Variants in PARP8 observed in about 807,000 individuals in gnomAD.
PARP8 encodes the protein poly(ADP-ribose) polymerase family member 8.
Under a neutral mutation model 124.1 loss-of-function variants are expected in PARP8, and 51 were observed. That is an observed-to-expected ratio of 0.41 (90% CI 0.33 to 0.52). The LOEUF (loss-of-function observed/expected upper bound fraction) is 0.52, where lower values mean the gene tolerates loss of function less well. Among genes scored for constraint, PARP8 ranks in the 20% least tolerant of loss-of-function variants. PARP8 has a pLI of 0.21. For missense variants in PARP8, 860 were observed against 1,018.9 expected (o/e 0.84, Z 2.12); for synonymous variants, 391 against 361.5 (o/e 1.08, Z -0.93).
rs1447855710 is a variant in PARP8 at position 50,841,270 on chromosome 5, C to G, written c.2463-696C>G. 2.0e-5 allele frequency among the ~76,000 whole-genome samples: 3 copies of G among 151,644 alleles called. No homozygotes were observed. In the South Asian group the frequency reaches 6.2e-4, roughly 32 times the overall value. On this transcript the variant is annotated intron_variant, in intron 25 of 25. Transcript: ENST00000281631. ...TTCATTCTTAAGAAATTCTTATTGC[C>G]CAAGTAACTGTATTTGAGAAAAATG...
chr5:50,829,562 A>T (rs535019594), intron 21 of PARP8, among the ~76,000 whole-genome samples: 1 of 152,298 alleles, frequency 6.6e-6, no homozygotes, highest in African/African-American at 2.4e-5. Flanking sequence ...TATAAATCCT[A>T]ATCAGAATGC....
intron 14 of PARP8, among the ~76,000 whole-genome samples, chr5:50,800,777 A>C (rs1402126406): frequency 6.7e-6 from 1 of 149,688 alleles, no homozygotes; most frequent in Non-Finnish European, 1.5e-5. Flanking sequence ...TTTTTTTGAA[A>C]CAGGGGTCTT....
At chr5:50,762,771 G>A (rs1419204449) in intron 6 of PARP8, among the ~76,000 whole-genome samples, 2 of 152,116 alleles carry the variant, frequency 1.3e-5, no homozygotes, top group Admixed American at 6.6e-5. Context: ...TCCTTTACCA[G>A]TATAACATTT....
intron 9 of PARP8, among the ~76,000 whole-genome samples, chr5:50,787,320 A>G (rs1462557829): frequency 4.6e-5 from 7 of 151,730 alleles, no homozygotes; most frequent in Non-Finnish European, 7.4e-5. Context: ...CCCTGCTCTC[A>G]TCTCCTGACA....
rs1319090062 is a variant in PARP8 at position 50,844,604 on chromosome 5, T to C, written c.*2536T>C. The C allele has an allele frequency of 4.0e-5, 6 of 151,764 alleles. No individual in the cohort carries two copies. Among genetic ancestry groups the C allele is most frequent in the Non-Finnish European group, 5.9e-5 (4 of 67,778 alleles). 9.4% of individuals were successfully genotyped at this position (151,764 alleles called of 1,614,324 possible). On this transcript the variant is annotated 3_prime_UTR_variant, in exon 26 of 26. Coordinates refer to ENST00000281631, the MANE Select transcript of PARP8 (RefSeq NM_024615.4). ...ATATTGTATTGTGTTTTTATAATTA[T>C]TTGAAATCTGTTCACCAATGCTTTG...
chr5:50,809,903 ATTTCTATTACCAGTAGAGGGTAAT>A (rs1441262215), intron 14 of PARP8, among the ~76,000 whole-genome samples: 4 of 152,078 alleles, frequency 2.6e-5, no homozygotes, highest in Non-Finnish European at 5.9e-5. Flanking sequence ...GAGTTGTATT[ATTTCTATTACCAGTAGAGGGTAAT>A]TTAAATTCAT....
intron 2 of PARP8, among the ~76,000 whole-genome samples, chr5:50,673,544 G>T (rs1284643467): frequency 6.6e-6 from 1 of 152,130 alleles, no homozygotes; most frequent in African/African-American, 2.4e-5. Context: ...AGGCTTGGGT[G>T]ATTTAAGTAA....
In PARP8 at chr5:50,836,723, G is replaced by A. The variant is rs76347028; in HGVS notation, c.2462+1708G>A. Among the ~76,000 whole-genome samples, 840 of 152,202 alleles carry A rather than the reference G, an allele frequency of 5.5e-3. 6 individuals are homozygous for A. The highest frequency in any genetic ancestry group is 0.019 in the African/African-American group (787 of 41,538). On this transcript the variant is annotated intron_variant, in intron 25 of 25. Transcript: ENST00000281631. ...ATGAGGATTAATTTAGCACAATGCAGGTCTTGGCCACTGAAAAGCTTATTA... is the reference window on the plus strand; with the variant it reads ...ATGAGGATTAATTTAGCACAATGCAAGTCTTGGCCACTGAAAAGCTTATTA...
intron 2 of PARP8, among the ~76,000 whole-genome samples, chr5:50,727,905 T>C (rs1756592644): frequency 6.6e-6 from 1 of 152,180 alleles, no homozygotes; most frequent in South Asian, 2.1e-4. Flanking sequence ...ATTTGGGTGA[T>C]ACTTTAATTG....
chr5:50,810,911 G>T (rs1447160068), intron 14 of PARP8, among the ~76,000 whole-genome samples: 3 of 152,010 alleles, frequency 2.0e-5, no homozygotes, highest in East Asian at 1.9e-4. Context: ...GTTTGTAGTT[G>T]CTGTGTTAAA....
At chr5:50,745,937 A>C (rs1758493368) in intron 2 of PARP8, among the ~76,000 whole-genome samples, 1 of 152,084 alleles carries the variant, frequency 6.6e-6, no homozygotes, top group Non-Finnish European at 1.5e-5. Flanking sequence ...TTTATCTTCT[A>C]ATGTTTGGCA....
chr5:50,779,611 A>G (rs1450269840), intron 9 of PARP8, among the ~76,000 whole-genome samples: 2 of 152,306 alleles, frequency 1.3e-5, no homozygotes, highest in East Asian at 1.9e-4. Context: ...CTACTGGGAA[A>G]AGACATAGTG....
At chr5:50,700,980 C>T (rs1242445915) in intron 2 of PARP8, among the ~76,000 whole-genome samples, 1 of 152,082 alleles carries the variant, frequency 6.6e-6, no homozygotes, top group African/African-American at 2.4e-5. Context: ...TTGGAGTTTT[C>T]TGAATTTCTT....
At chr5:50,699,614 A>G (rs1222749333) in intron 2 of PARP8, among the ~76,000 whole-genome samples, 1 of 152,112 alleles carries the variant, frequency 6.6e-6, no homozygotes, top group Non-Finnish European at 1.5e-5. Context: ...GGTCACCCAA[A>G]TTATTTACAG....
At chr5:50,693,482 G>A (rs1752703501) in intron 2 of PARP8, among the ~76,000 whole-genome samples, 5 of 152,034 alleles carry the variant, frequency 3.3e-5, no homozygotes, top group African/African-American at 1.2e-4. Flanking sequence ...GGGCAATATA[G>A]ACTAATTCTA....
intron 14 of PARP8, among the ~76,000 whole-genome samples, chr5:50,807,868 GGGTTACTTGCTCTGAGT>G: frequency 6.6e-6 from 1 of 152,092 alleles, no homozygotes; most frequent in East Asian, 1.9e-4. Context: ...GAAATGTCCT[GGGTTACTTGCTCTGAGT>G]GGTTTGACAA....
chr5:50,734,284 A>T (rs1757271625), intron 2 of PARP8, among the ~76,000 whole-genome samples: 1 of 152,100 alleles, frequency 6.6e-6, no homozygotes, highest in South Asian at 2.1e-4. Flanking sequence ...TCATGAAGGA[A>T]ATTTTATCTT....
intron 2 of PARP8, among the ~76,000 whole-genome samples, chr5:50,673,026 T>TA (rs1218779461): frequency 6.6e-6 from 1 of 152,216 alleles, no homozygotes; most frequent in Non-Finnish European, 1.5e-5. Context: ...ATTTTTTAAA[T>TA]AAAAAATTAA....
chr5:50,835,060 A>G (rs751858844), intron 25 of PARP8, 45 bp downstream of exon 25: 18 of 1,530,162 alleles, frequency 1.2e-5, no homozygotes, highest in Admixed American at 6.8e-5. Context: ...CTTTGCCACA[A>G]ATGGGTTAGT....
Sources: allele counts gnomAD v4.1 joint callset (sites outside exome capture counted in the v4.1 genomes callset), GRCh38; gene constraint gnomAD v4.1.1; transcripts MANE v1.5; gene names NCBI Gene and HGNC (gene_info 2026-07-23, HGNC 2026-07-21).